Variants in PTPRD observed in about 807,000 individuals in gnomAD.
PTPRD encodes the protein protein tyrosine phosphatase receptor type D, also known as receptor-type tyrosine-protein phosphatase delta.
Under a neutral mutation model 214.5 loss-of-function variants are expected in PTPRD, and 34 were observed. That is an observed-to-expected ratio of 0.16 (90% CI 0.12 to 0.21). PTPRD has a LOEUF of 0.21. Ranked by LOEUF, PTPRD falls within the 10% of genes least tolerant of loss-of-function variation. The pLI, the probability that PTPRD is intolerant of heterozygous loss-of-function variation, is 1.00. For synonymous variants in PTPRD, 1,128 were observed against 845.7 expected, an observed-to-expected ratio of 1.33 and a Z score of -5.79; for missense variants, 2,545 against 2,398.7, an observed-to-expected ratio of 1.06 and a Z score of -1.27.
At chr9:9,711,003 C>T (rs562128959) in intron 7 of PTPRD, among the ~76,000 whole-genome samples, 3 of 152,046 alleles carry the variant, frequency 2.0e-5, no homozygotes, top group South Asian at 2.1e-4. Context: ...TGTATGCACA[C>T]GACAACGTGT....
rs750547585 is a variant in PTPRD at position 9,980,608 on chromosome 9, C to CAAAAAAAA, written c.-471-42006_-471-41999dup. On this transcript the variant is annotated intron_variant, in intron 4 of 45. Transcript: ENST00000381196. ...TGGGTAACAGAGTGAGACACCTTGT[C>CAAAAAAAA]AAAAAAAAACAAAAAAAAAAAAAAA... Among the ~76,000 whole-genome samples the CAAAAAAAA allele has an allele frequency of 8.8e-4, 10 of 11,398 alleles. 3 individuals carry two copies. The highest frequency in any genetic ancestry group is 1.4e-3 in the African/African-American group (4 of 2,790). 7.5% of individuals were successfully genotyped at this position (11,398 alleles called of 152,430 possible).
At chr9:10,213,642 AT>A (rs1487140492) in intron 3 of PTPRD, among the ~76,000 whole-genome samples, 3 of 152,030 alleles carry the variant, frequency 2.0e-5, no homozygotes, top group South Asian at 2.1e-4. Context: ...CTTAATGCTG[AT>A]TTTCTTTATT....
intron 2 of PTPRD, among the ~76,000 whole-genome samples, chr9:10,374,477 T>C (rs956797329): frequency 6.6e-6 from 1 of 151,978 alleles, no homozygotes; most frequent in Admixed American, 6.6e-5. Flanking sequence ...CTTGTTCTTT[T>C]CCACCCGCCA....
At chr9:10,289,390 A>T (rs1463162564) in intron 3 of PTPRD, among the ~76,000 whole-genome samples, 3 of 152,144 alleles carry the variant, frequency 2.0e-5, no homozygotes, top group Admixed American at 1.3e-4. Flanking sequence ...GGTGTTGGAG[A>T]TGTGCAGGGG....
At chr9:9,997,195 G>T (rs1325851577) in intron 4 of PTPRD, among the ~76,000 whole-genome samples, 1 of 151,706 alleles carries the variant, frequency 6.6e-6, no homozygotes, top group Non-Finnish European at 1.5e-5. Context: ...AAAATTGAAA[G>T]CAAAATAACT....
chr9:9,682,931 G>A (rs1270054802), intron 7 of PTPRD, among the ~76,000 whole-genome samples: 2 of 151,708 alleles, frequency 1.3e-5, no homozygotes, highest in Non-Finnish European at 2.9e-5. Context: ...GAATGCCACT[G>A]GAAAGAGCTT....
intron 10 of PTPRD, among the ~76,000 whole-genome samples, chr9:9,165,901 T>G (rs1392971963): frequency 6.6e-6 from 1 of 152,186 alleles, no homozygotes. Context: ...TAAAATGTAA[T>G]AATAAAACAA....
chr9:8,649,617 C>G (rs1336275269), intron 12 of PTPRD, among the ~76,000 whole-genome samples: 1 of 152,078 alleles, frequency 6.6e-6, no homozygotes, highest in Non-Finnish European at 1.5e-5. Flanking sequence ...TATAAGAAAT[C>G]TTTGTAAACA....
intron 8 of PTPRD, among the ~76,000 whole-genome samples, chr9:9,459,844 T>C (rs748101082): frequency 6.6e-6 from 1 of 151,938 alleles, no homozygotes; most frequent in Non-Finnish European, 1.5e-5. Flanking sequence ...GCAAGAGCAA[T>C]TCAAAAATTC....
chr9:10,542,330 T>G (rs1220694163), intron 2 of PTPRD, among the ~76,000 whole-genome samples: 2 of 152,112 alleles, frequency 1.3e-5, no homozygotes, highest in Non-Finnish European at 2.9e-5. Flanking sequence ...ACTATCCACT[T>G]GTTGCTTGGC....
At chr9:9,671,899 C>T (rs1018352468) in intron 7 of PTPRD, among the ~76,000 whole-genome samples, 13 of 152,116 alleles carry the variant, frequency 8.5e-5, no homozygotes, top group Middle Eastern at 3.2e-3. Flanking sequence ...CTTACATTTG[C>T]CACAAACATT....
chr9:9,081,983 A>C (rs1383444781), intron 10 of PTPRD, among the ~76,000 whole-genome samples: 1 of 151,940 alleles, frequency 6.6e-6, no homozygotes, highest in Non-Finnish European at 1.5e-5. Flanking sequence ...ACTACCAACC[A>C]AAAAAAGCCC....
intron 4 of PTPRD, among the ~76,000 whole-genome samples, chr9:10,003,070 G>A (rs1322165874): frequency 1.3e-5 from 2 of 151,772 alleles, no homozygotes; most frequent in South Asian, 2.1e-4. Flanking sequence ...ATAAAATAAA[G>A]GCACTATGAA....
intron 34 of PTPRD, among the ~76,000 whole-genome samples, chr9:8,442,683 T>A (rs2095587086): frequency 6.6e-6 from 1 of 152,230 alleles, no homozygotes; most frequent in South Asian, 2.1e-4. Flanking sequence ...TTTGACATAA[T>A]GTATGCACTA....
intron 11 of PTPRD, among the ~76,000 whole-genome samples, chr9:8,992,655 T>C (rs552815660): frequency 6.6e-6 from 1 of 152,320 alleles, no homozygotes; most frequent in East Asian, 1.9e-4. Flanking sequence ...TTGAACAAAC[T>C]GTGCTCAAAA....
intron 3 of PTPRD, among the ~76,000 whole-genome samples, chr9:10,213,278 A>C (rs1318816688): frequency 6.6e-6 from 1 of 152,166 alleles, no homozygotes; most frequent in Non-Finnish European, 1.5e-5. Context: ...AAATAGAGTT[A>C]TAACAATCTA....
rs192760649 is a variant in PTPRD at position 10,142,546 on chromosome 9, A to G, written c.-544-108756T>C. On this transcript the variant is annotated intron_variant, in intron 3 of 45. Transcript: ENST00000381196. ...AAAATGCTCACCATCACTAGCCATCAGAGAAATGCAAATCAAAACCACAAT... is the reference window on the plus strand; with the variant it reads ...AAAATGCTCACCATCACTAGCCATCGGAGAAATGCAAATCAAAACCACAAT... Among the ~76,000 whole-genome samples the G allele has an allele frequency of 4.6e-3, 695 of 152,226 alleles. 7 individuals are homozygous for G. Among genetic ancestry groups the G allele is most frequent in the African/African-American group, 0.015 (632 of 41,536 alleles).
intron 3 of PTPRD, among the ~76,000 whole-genome samples, chr9:10,135,453 G>C (rs920206306): frequency 6.6e-6 from 1 of 151,862 alleles, no homozygotes; most frequent in African/African-American, 2.4e-5. Context: ...CAATGTGATA[G>C]AAAAAAATAT....
At chr9:10,374,508 T>C (rs750465336) in intron 2 of PTPRD, among the ~76,000 whole-genome samples, 4 of 152,048 alleles carry the variant, frequency 2.6e-5, no homozygotes, top group Non-Finnish European at 5.9e-5. Flanking sequence ...ACGGAATAAC[T>C]GTCTCTTTCC....
Sources: gnomAD v4.1 joint callset for allele counts (sites outside exome capture counted in the v4.1 genomes callset) on GRCh38, gnomAD v4.1.1 for gene constraint, MANE v1.5 for transcripts, NCBI Gene and HGNC (gene_info 2026-07-23, HGNC 2026-07-21) for gene names.